The following SLC29A3 variants were observed in gnomAD, a reference collection of about 807,000 sequenced individuals.
SLC29A3 encodes the protein equilibrative nucleoside transporter 3.
Under a neutral mutation model 25.4 loss-of-function variants are expected in SLC29A3, and 18 were observed. The ratio of observed to expected loss-of-function variants is 0.71; its 90% CI spans 0.49 to 1.05. The LOEUF (loss-of-function observed/expected upper bound fraction) is 1.05. Ranked by LOEUF, SLC29A3 falls within the 50% of genes least tolerant of loss-of-function variation. The pLI is 0.00. For synonymous variants in SLC29A3, 258 were observed against 267.1 expected, an observed-to-expected ratio of 0.97 and a Z score of 0.33; for missense variants, 586 against 609.0, an observed-to-expected ratio of 0.96 and a Z score of 0.40.
intron 2 of SLC29A3, among the ~76,000 whole-genome samples, chr10:71,331,521 C>T (rs1846117091): frequency 6.6e-6 from 1 of 152,152 alleles, no homozygotes; most frequent in Non-Finnish European, 1.5e-5. Flanking sequence ...CATAGCTCAG[C>T]GAGGTCCATG....
intron 2 of SLC29A3, among the ~76,000 whole-genome samples, chr10:71,342,571 C>G (rs530619575): frequency 4.6e-5 from 7 of 152,366 alleles, no homozygotes; most frequent in African/African-American, 1.4e-4. Flanking sequence ...CTGCATTACA[C>G]AGATCGAGCA....
chr10:71,360,354 G>T (rs1431134915), intron 5 of SLC29A3, among the ~76,000 whole-genome samples: 1 of 152,034 alleles, frequency 6.6e-6, no homozygotes, highest in African/African-American at 2.4e-5. Context: ...ATTGGGTCAG[G>T]CTGGTCTTGA....
At chr10:71,346,340 G>T (rs1846580120) in intron 3 of SLC29A3, among the ~76,000 whole-genome samples, 1 of 152,164 alleles carries the variant, frequency 6.6e-6, no homozygotes, top group African/African-American at 2.4e-5. Context: ...AAACTGCTGT[G>T]ACCCTGGTTT....
intron 2 of SLC29A3, among the ~76,000 whole-genome samples, chr10:71,339,278 C>T (rs1343492055): frequency 6.6e-6 from 1 of 152,240 alleles, no homozygotes; most frequent in Non-Finnish European, 1.5e-5. Flanking sequence ...TGGCATTCTG[C>T]AGAGCTCCCA....
At chr10:71,378,104 G>C (rs576413564) in intron 4 of SLC29A3, among the ~76,000 whole-genome samples, 1 of 134,570 alleles carries the variant, frequency 7.4e-6, no homozygotes, top group African/African-American at 2.8e-5. Context: ...TTGGGGGGGG[G>C]GGTCCTCTTT....
chr10:71,344,012 T>C (rs1252151630), intron 2 of SLC29A3, among the ~76,000 whole-genome samples, 197 bp from the exon 3 acceptor site: 2 of 152,160 alleles, frequency 1.3e-5, no homozygotes, highest in Non-Finnish European at 2.9e-5. Context: ...GGCAGCTATT[T>C]GTTGAGTGGC....
chr10:71,341,635 C>CT (rs1219464243), intron 2 of SLC29A3, among the ~76,000 whole-genome samples: 3 of 152,350 alleles, frequency 2.0e-5, no homozygotes, highest in African/African-American at 7.2e-5. Flanking sequence ...AATTAGGAAT[C>CT]TATCTCTGCC....
At position 71,362,582 on chromosome 10, in the gene SLC29A3, T is replaced by G. The variant is rs780837544; in HGVS notation, c.1402T>G (p.Ser468Ala). ...CLGLTLGSAC[S>A]TLLVHLI ...GGGCTTAACACTGGGCTCAGCCTGCTCTACCCTCCTGGTGCACCTCATCTA... is the reference window on the plus strand; with the variant it reads ...GGGCTTAACACTGGGCTCAGCCTGCGCTACCCTCCTGGTGCACCTCATCTA... The change falls in exon 6 of 6, where the codon TCT becomes GCT. Residue 468 changes from serine (S) to alanine (A), a missense_variant. Physicochemically the swap from Ser to Ala is moderately conservative, Grantham distance 99. Transcript: ENST00000373189. The G allele has an allele frequency of 6.2e-7, 1 of 1,614,160 alleles. No individual in the cohort carries two copies. The highest frequency in any genetic ancestry group is 1.1e-5 in the South Asian group (1 of 91,088).
intron 2 of SLC29A3, among the ~76,000 whole-genome samples, chr10:71,330,624 G>A (rs1469302889): frequency 6.6e-6 from 1 of 152,196 alleles, no homozygotes; most frequent in African/African-American, 2.4e-5. Flanking sequence ...GACCCACCTG[G>A]CAGCATTTAC....
rs1554816962 is a variant in SLC29A3, at chr10:71,350,314, C to CTTGT, written c.384-1248_384-1247insTTGT. On this transcript the variant is annotated intron_variant, in intron 3 of 5. Coordinates refer to ENST00000373189, the MANE Select transcript of SLC29A3 (RefSeq NM_018344.6). ...TTTCTTGCTCATCATTTCACACCTA[C>CTTGT]GTGTGTGTGTGTGTGTGTGTGTGTG... Among the ~76,000 whole-genome samples the CTTGT allele has an allele frequency of 2.4e-3, 348 of 142,578 alleles. 7 individuals are homozygous for CTTGT. The East Asian group carries it at 0.044, about 18-fold the overall frequency. The allele number at this position is 142,578 out of a possible 152,430, so 93.5% of individuals were successfully genotyped here.
At chr10:71,345,906 A>G (rs1846565135) in intron 3 of SLC29A3, among the ~76,000 whole-genome samples, 1 of 152,248 alleles carries the variant, frequency 6.6e-6, no homozygotes, top group African/African-American at 2.4e-5. Flanking sequence ...CTACTCGCTC[A>G]GCCCGCCCAG....
chr10:71,356,117 C>T lies in SLC29A3; in HGVS notation c.647C>T (p.Ser216Leu). The T allele has an allele frequency of 6.2e-7, 1 of 1,614,190 alleles. No homozygotes were observed. The highest frequency in any genetic ancestry group is 1.7e-5 in the Admixed American group (1 of 60,034). ...GGCGGGACGGTCAGCGCCGTGGCCT[C>T]ATTGGTGGACTTGGCTGCATCCAGT... is the stretch of plus-strand genomic sequence containing the variant. ...AMGGTVSAVASLVDLAASSDV... is the reference protein window; with the variant it reads ...AMGGTVSAVALLVDLAASSDV... Residue 216 changes from serine to leucine, a missense_variant, in exon 5 of 6, where the codon TCA becomes TTA. By Grantham distance (145) the Ser-to-Leu change is moderately radical (BLOSUM62 -2). Transcript: ENST00000373189.
intron 2 of SLC29A3, among the ~76,000 whole-genome samples, chr10:71,340,819 C>T (rs1262658076): frequency 6.6e-6 from 1 of 152,164 alleles, no homozygotes; most frequent in Non-Finnish European, 1.5e-5. Flanking sequence ...AAGAGTGGAA[C>T]GTAGACCTTC....
chr10:71,364,018 G>A (rs1652760058), downstream of SLC29A3, among the ~76,000 whole-genome samples: 1 of 151,994 alleles, frequency 6.6e-6, no homozygotes, highest in African/African-American at 2.4e-5. Context: ...AACCTAGGGA[G>A]TGACTTTGTC....
intron 3 of SLC29A3, among the ~76,000 whole-genome samples, chr10:71,375,502 A>C (rs1847244055): frequency 6.6e-6 from 1 of 152,210 alleles, no homozygotes; most frequent in Non-Finnish European, 1.5e-5. Context: ...TGAAAACAAT[A>C]TTTTAATTTT....
chr10:71,360,072 C>G (rs1025995334), intron 5 of SLC29A3, among the ~76,000 whole-genome samples: 1 of 151,336 alleles, frequency 6.6e-6, no homozygotes, highest in African/African-American at 2.4e-5. Context: ...CTACTCCGTG[C>G]CTGAAGATTT....
chr10:71,361,944 C>G lies in SLC29A3; in HGVS notation c.774-10C>G, dbSNP rs1312997063. On this transcript the variant is annotated splice_polypyrimidine_tract_variant and intron_variant, in intron 5 of 5. Coordinates refer to ENST00000373189, the MANE Select transcript of SLC29A3 (RefSeq NM_018344.6). ...ACCTGCTTGATGGTGGCCCTGTCTC[C>G]TCCCTGCAGGTACTACATGAGGCCT... 2.5e-6 allele frequency: 4 copies of G among 1,613,942 alleles called. No homozygotes were observed. Among genetic ancestry groups the G allele is most frequent in the Non-Finnish European group, 3.4e-6 (4 of 1,180,030 alleles).
At chr10:71,366,007 G>A (rs1275086809), downstream of SLC29A3, 1 of 151,996 alleles carries the variant, frequency 6.6e-6, no homozygotes, top group African/African-American at 2.4e-5. Context: ...TGGTTTCTTT[G>A]AGACAAGGTC....
At chr10:71,346,765 TC>T (rs1846596128) in intron 3 of SLC29A3, among the ~76,000 whole-genome samples, 1 of 152,086 alleles carries the variant, frequency 6.6e-6, no homozygotes, top group African/African-American at 2.4e-5. Context: ...GCCACCTACA[TC>T]CTAGTTCCCC....
Sources: gnomAD v4.1 joint callset for allele counts (sites outside exome capture counted in the v4.1 genomes callset) on GRCh38, gnomAD v4.1.1 for gene constraint, MANE v1.5 for transcripts, NCBI Gene and HGNC (gene_info 2026-07-23, HGNC 2026-07-21) for gene names.